The following NUP133 variants were observed in gnomAD, a reference collection of about 807,000 sequenced individuals.
NUP133 encodes nuclear pore complex protein Nup133.
A neutral mutation model predicts 146.2 loss-of-function variants in NUP133; 66 were observed. The observed-to-expected ratio is 0.45, with a 90% CI of 0.37 to 0.55. The LOEUF (loss-of-function observed/expected upper bound fraction) is 0.55, where lower values mean the gene tolerates loss of function less well. Among genes scored for constraint, NUP133 ranks in the 20% least tolerant of loss-of-function variants. The pLI is 0.00. For synonymous variants in NUP133, 521 were observed against 498.8 expected (o/e 1.04, Z -0.59); for missense variants, 1,277 against 1,374.8 (o/e 0.93, Z 1.12).
At chr1:229,494,514 T>C (rs1444584402) in intron 8 of NUP133, among the ~76,000 whole-genome samples, 1 of 152,222 alleles carries the variant, frequency 6.6e-6, no homozygotes, top group East Asian at 1.9e-4. Flanking sequence ...GAAGTTGTCA[T>C]CTGAAGGATT....
intron 12 of NUP133, among the ~76,000 whole-genome samples, chr1:229,480,903 C>T (rs1661195495): frequency 6.7e-6 from 1 of 148,362 alleles, no homozygotes; most frequent in Non-Finnish European, 1.5e-5. Context: ...CCATGTTGGT[C>T]AGGCTGGTCT....
At chr1:229,446,114 A>C (rs946717232) in intron 24 of NUP133, among the ~76,000 whole-genome samples, 9 of 152,212 alleles carry the variant, frequency 5.9e-5, no homozygotes, top group African/African-American at 2.2e-4. Flanking sequence ...TGATTGTGAG[A>C]AAGTAGTACT....
At chr1:229,456,981 C>T (rs1370984124) in intron 21 of NUP133, among the ~76,000 whole-genome samples, 1 of 151,896 alleles carries the variant, frequency 6.6e-6, no homozygotes, top group African/African-American at 2.4e-5. Flanking sequence ...GCGCACACCA[C>T]CACACCTGGC....
chr1:229,476,939 A>C (rs1661089612), intron 13 of NUP133, among the ~76,000 whole-genome samples: 1 of 149,602 alleles, frequency 6.7e-6, no homozygotes, highest in South Asian at 2.1e-4. Flanking sequence ...AAAAAAAAAA[A>C]ACAAAAAAAA....
At chr1:229,456,662 T>G (rs772907471) in intron 21 of NUP133, among the ~76,000 whole-genome samples, 61 of 152,090 alleles carry the variant, frequency 4.0e-4, no homozygotes, top group Non-Finnish European at 1.5e-4. Context: ...GGTATACTCA[T>G]GCTACTGGGG....
At chr1:229,443,315 C>A (rs1301175697) in intron 25 of NUP133, among the ~76,000 whole-genome samples, 1 of 151,898 alleles carries the variant, frequency 6.6e-6, no homozygotes, top group Non-Finnish European at 1.5e-5. Flanking sequence ...GCTGGGATTA[C>A]AGGCGTGAGC....
At chr1:229,492,152 G>A (rs1306463367) in intron 8 of NUP133, among the ~76,000 whole-genome samples, 1 of 151,244 alleles carries the variant, frequency 6.6e-6, no homozygotes, top group Non-Finnish European at 1.5e-5. Context: ...TGTTGCCCAG[G>A]CTGCAGTGCC....
intron 4 of NUP133, 117 bp from the exon 5 acceptor site, chr1:229,499,935 A>G: frequency 1.6e-6 from 2 of 1,235,016 alleles, no homozygotes; most frequent in Non-Finnish European, 1.1e-6. Flanking sequence ...AAGAAAAATC[A>G]GAAATAAGAA....
At chr1:229,458,040 T>C in intron 21 of NUP133, 121 bp downstream of exon 21, 1 of 986,566 alleles carries the variant, frequency 1.0e-6, no homozygotes, top group South Asian at 2.1e-5. Context: ...ACTAAATGCA[T>C]TCCTCTTAGA....
chr1:229,461,778 GA>G (rs1362794797), intron 19 of NUP133, among the ~76,000 whole-genome samples: 1 of 151,462 alleles, frequency 6.6e-6, no homozygotes, highest in Non-Finnish European at 1.5e-5. Context: ...AAAAATGCAT[GA>G]AAAGAGAAAG....
At chr1:229,501,883 T>C in intron 3 of NUP133, 116 bp downstream of exon 3, 1 of 699,070 alleles carries the variant, frequency 1.4e-6, no homozygotes, top group South Asian at 1.8e-5. Flanking sequence ...AAACTCTTAA[T>C]GCCTAAGTAG....
At chr1:229,458,051 G>C (rs1558091702) in intron 21 of NUP133, 110 bp downstream of exon 21, 13 of 1,093,154 alleles carry the variant, frequency 1.2e-5, no homozygotes, top group Non-Finnish European at 1.5e-5. Flanking sequence ...TCCTCTTAGA[G>C]ACAGGTCCTG....
chr1:229,469,779 G>A (rs1252896333), intron 15 of NUP133, among the ~76,000 whole-genome samples: 1 of 152,226 alleles, frequency 6.6e-6, no homozygotes, highest in Non-Finnish European at 1.5e-5. Flanking sequence ...GGAGGGCAAG[G>A]GAGCCCATTC....
intron 1 of NUP133, among the ~76,000 whole-genome samples, chr1:229,506,378 A>C (rs913759634): frequency 7.3e-5 from 11 of 150,822 alleles, no homozygotes; most frequent in African/African-American, 2.7e-4. Flanking sequence ...ATTGAAATGC[A>C]TGCCTGTATT....
intron 21 of NUP133, among the ~76,000 whole-genome samples, chr1:229,455,038 T>C (rs1464792558): frequency 6.6e-6 from 1 of 152,162 alleles, no homozygotes; most frequent in African/African-American, 2.4e-5. Flanking sequence ...CGAAGGAGCA[T>C]AAATTAACTA....
chr1:229,475,614 G>A (rs1237649747), intron 14 of NUP133, 24 bp downstream of exon 14: 1 of 1,574,092 alleles, frequency 6.4e-7, no homozygotes, highest in Admixed American at 1.7e-5. Context: ...GCAGAGCCCT[G>A]TGCCCAGCAC....
chr1:229,475,473 T>C (rs113351670), intron 14 of NUP133, among the ~76,000 whole-genome samples, 165 bp downstream of exon 14: 2 of 152,304 alleles, frequency 1.3e-5, no homozygotes, highest in African/African-American at 4.8e-5. Context: ...TTAACAGGCT[T>C]GTACACAGCC....
intron 12 of NUP133, among the ~76,000 whole-genome samples, chr1:229,479,493 A>G (rs1368527295): frequency 6.6e-6 from 1 of 152,146 alleles, no homozygotes; most frequent in Non-Finnish European, 1.5e-5. Context: ...ATTCAGTACT[A>G]TATGCAATTT....
intron 12 of NUP133, among the ~76,000 whole-genome samples, chr1:229,479,688 CA>C (rs1661163021): frequency 6.6e-6 from 1 of 152,132 alleles, no homozygotes; most frequent in South Asian, 2.1e-4. Context: ...CGTTGAAACT[CA>C]AGTGCCTATG....
Sources: allele counts gnomAD v4.1 joint callset (sites outside exome capture counted in the v4.1 genomes callset), GRCh38; gene constraint gnomAD v4.1.1; transcripts MANE v1.5; gene names NCBI Gene and HGNC (gene_info 2026-07-23, HGNC 2026-07-21).